Variants in LHFPL3 observed in about 807,000 individuals in gnomAD.
LHFPL3 encodes the protein LHFPL tetraspan subfamily member 3, also known as LHFPL tetraspan subfamily member 3 protein.
Under a neutral mutation model 19.3 loss-of-function variants are expected in LHFPL3, and 5 were observed. The ratio of observed to expected loss-of-function variants is 0.26; its 90% CI spans 0.14 to 0.54. The LOEUF (loss-of-function observed/expected upper bound fraction) is 0.54. LHFPL3 is among the 20% of genes least tolerant of loss of function. The probability of loss-of-function intolerance (pLI) is 0.94; values close to 1 mark genes in which losing one functional copy is unlikely to be tolerated. For synonymous variants in LHFPL3, 133 were observed against 126.2 expected (o/e 1.05, Z -0.36); for missense variants, 249 against 307.4 (o/e 0.81, Z 1.42).
chr7:104,594,779 C>T (rs57446332), intron 1 of LHFPL3, among the ~76,000 whole-genome samples: 2 of 151,904 alleles, frequency 1.3e-5, no homozygotes, highest in African/African-American at 2.4e-5. Context: ...TGTTTTATTT[C>T]ATTAATTTGA....
chr7:104,634,873 T>C (rs1791704561), intron 1 of LHFPL3, among the ~76,000 whole-genome samples: 1 of 152,148 alleles, frequency 6.6e-6, no homozygotes, highest in South Asian at 2.1e-4. Flanking sequence ...AAAGGGATCA[T>C]ATGACATTTG....
chr7:104,865,495 T>A (rs182257332), intron 2 of LHFPL3, among the ~76,000 whole-genome samples: 192 of 152,078 alleles, frequency 1.3e-3, no homozygotes, highest in African/African-American at 4.3e-3. Flanking sequence ...ATCAAATGAA[T>A]GAAATGAAGC....
intron 1 of LHFPL3, among the ~76,000 whole-genome samples, chr7:104,638,366 G>A (rs1791767568): frequency 6.6e-6 from 1 of 152,016 alleles, no homozygotes; most frequent in Admixed American, 6.6e-5. Flanking sequence ...CTTCCTATTT[G>A]AATGCCTTTT....
chr7:104,502,892 A>C (rs1167910355), intron 1 of LHFPL3, among the ~76,000 whole-genome samples: 1 of 152,238 alleles, frequency 6.6e-6, no homozygotes, highest in Non-Finnish European at 1.5e-5. Flanking sequence ...GATAAGACTC[A>C]GTAATATCTG....
intron 1 of LHFPL3, among the ~76,000 whole-genome samples, chr7:104,552,924 T>A (rs1794690101): frequency 6.6e-6 from 1 of 152,180 alleles, no homozygotes; most frequent in Non-Finnish European, 1.5e-5. Context: ...CCTTGGCATG[T>A]TACTTAATTT....
intron 2 of LHFPL3, among the ~76,000 whole-genome samples, chr7:104,778,358 A>G (rs1190876748): frequency 1.3e-5 from 2 of 152,156 alleles, no homozygotes; most frequent in Non-Finnish European, 2.9e-5. Flanking sequence ...TCAGTTGACT[A>G]TCAGAATGGC....
At chr7:104,893,830 T>G (rs1394256944) in intron 2 of LHFPL3, among the ~76,000 whole-genome samples, 2 of 151,692 alleles carry the variant, frequency 1.3e-5, no homozygotes, top group Middle Eastern at 6.4e-3. Flanking sequence ...CATACCCCTG[T>G]AATCCCAGCT....
chr7:104,522,757 C>T (rs1487465630), intron 1 of LHFPL3, among the ~76,000 whole-genome samples: 2 of 152,050 alleles, frequency 1.3e-5, no homozygotes, highest in Non-Finnish European at 2.9e-5. Context: ...AAGCTAAGCC[C>T]ACTGGGGAAG....
chr7:104,733,869 C>T (rs1793750631), intron 1 of LHFPL3, among the ~76,000 whole-genome samples: 1 of 152,148 alleles, frequency 6.6e-6, no homozygotes, highest in Non-Finnish European at 1.5e-5. Context: ...CCGGTTATTC[C>T]TTTCCATATT....
intron 2 of LHFPL3, among the ~76,000 whole-genome samples, chr7:104,831,691 G>A (rs376896268): frequency 1.3e-5 from 2 of 151,476 alleles, no homozygotes; most frequent in African/African-American, 2.4e-5. Context: ...AATGCAGTGG[G>A]GATTTTTCTC....
intron 1 of LHFPL3, among the ~76,000 whole-genome samples, chr7:104,634,269 G>T (rs1358448840): frequency 6.6e-6 from 1 of 152,160 alleles, no homozygotes; most frequent in Non-Finnish European, 1.5e-5. Context: ...TCTGGAGGCT[G>T]GAAGTCTGAC....
intron 1 of LHFPL3, among the ~76,000 whole-genome samples, chr7:104,639,695 A>T (rs1228819992): frequency 2.0e-5 from 3 of 152,236 alleles, no homozygotes; most frequent in African/African-American, 7.2e-5. Flanking sequence ...AAAGCAATGC[A>T]ATGCAGACTA....
At chr7:104,836,995 G>C (rs1031332584) in intron 2 of LHFPL3, among the ~76,000 whole-genome samples, 1 of 152,156 alleles carries the variant, frequency 6.6e-6, no homozygotes, top group African/African-American at 2.4e-5. Context: ...AATATTTCAT[G>C]GTGATGAAGA....
intron 1 of LHFPL3, among the ~76,000 whole-genome samples, chr7:104,580,016 C>G (rs571107151): frequency 6.6e-6 from 1 of 152,232 alleles, no homozygotes; most frequent in African/African-American, 2.4e-5. Context: ...TAACTATCGA[C>G]TATGTTTTGA....
At chr7:104,892,091 C>G (rs1363489412) in intron 2 of LHFPL3, among the ~76,000 whole-genome samples, 1 of 152,210 alleles carries the variant, frequency 6.6e-6, no homozygotes, top group South Asian at 2.1e-4. Context: ...TGCTCATTCA[C>G]TTATTCAACA....
At chr7:104,564,231 T>C (rs1014064827) in intron 1 of LHFPL3, among the ~76,000 whole-genome samples, 16 of 152,238 alleles carry the variant, frequency 1.1e-4, no homozygotes, top group Admixed American at 5.9e-4. Flanking sequence ...TGGGTTCTAT[T>C]ACCACTGCTT....
rs76547966 is a variant in LHFPL3, at chr7:104,778,687, G to A, written c.682+41776G>A. On this transcript the variant is annotated intron_variant, in intron 2 of 2. Coordinates refer to ENST00000424859, the MANE Select transcript of LHFPL3 (RefSeq NM_199000.3). ...ACTATCATCTACCACTTCTCCGCCC[G>A]TGGAACTGTTGGGCAGAGGCCCTTG... Among the ~76,000 whole-genome samples the A allele has an allele frequency of 2.0e-3, 312 of 152,290 alleles. 2 individuals are homozygous for A. The highest frequency in any genetic ancestry group is 7.0e-3 in the African/African-American group (292 of 41,542).
At chr7:104,657,615 G>T (rs1792144130) in intron 1 of LHFPL3, among the ~76,000 whole-genome samples, 1 of 152,200 alleles carries the variant, frequency 6.6e-6, no homozygotes, top group Admixed American at 6.5e-5. Context: ...TACTTTGCCA[G>T]ATATGTGAAG....
At chr7:104,668,421 C>T (rs1471550011) in intron 1 of LHFPL3, 1 of 1,605,024 alleles carries the variant, frequency 6.2e-7, no homozygotes, top group South Asian at 1.1e-5. Context: ...AGACAAGTAT[C>T]GAGATCGTTA....
Sources: gnomAD v4.1 joint callset for allele counts (sites outside exome capture counted in the v4.1 genomes callset) on GRCh38, gnomAD v4.1.1 for gene constraint, MANE v1.5 for transcripts, NCBI Gene and HGNC (gene_info 2026-07-23, HGNC 2026-07-21) for gene names.